The following PHF21A variants were observed in gnomAD, a reference collection of about 807,000 sequenced individuals.
The protein encoded by PHF21A is BHC80a.
A neutral mutation model predicts 82.5 loss-of-function variants in PHF21A; 11 were observed. That is an observed-to-expected ratio of 0.13 (90% confidence interval 0.08 to 0.22). The LOEUF is 0.22. Ranked by LOEUF, PHF21A falls within the 10% of genes least tolerant of loss-of-function variation. PHF21A has a pLI of 1.00. For synonymous variants in PHF21A, 297 were observed against 302.8 expected, an observed-to-expected ratio of 0.98 and a Z score of 0.20; for missense variants, 579 against 837.8, an observed-to-expected ratio of 0.69 and a Z score of 3.81.
chr11:46,064,595 A>G (rs901230786), intron 6 of PHF21A, among the ~76,000 whole-genome samples: 1 of 152,130 alleles, frequency 6.6e-6, no homozygotes, highest in Non-Finnish European at 1.5e-5. Flanking sequence ...TACTAGTTAA[A>G]GAGTAAACTT....
intron 6 of PHF21A, among the ~76,000 whole-genome samples, chr11:46,075,238 G>A (rs1268924072): frequency 2.0e-5 from 3 of 152,126 alleles, no homozygotes; most frequent in Non-Finnish European, 1.5e-5. Flanking sequence ...CAAAAATTTC[G>A]AGTAGATGTA....
At chr11:45,995,407 C>A (rs1455614532) in intron 6 of PHF21A, among the ~76,000 whole-genome samples, 1 of 152,184 alleles carries the variant, frequency 6.6e-6, no homozygotes, top group Non-Finnish European at 1.5e-5. Context: ...AGGAATCATT[C>A]TTACACAGGG....
At chr11:45,943,788 G>A (rs983898953) in intron 15 of PHF21A, among the ~76,000 whole-genome samples, 7 of 152,178 alleles carry the variant, frequency 4.6e-5, no homozygotes, top group Admixed American at 2.0e-4. Context: ...GGAGATGAAA[G>A]TTAACATCAC....
At chr11:46,055,139 T>C (rs1166611260) in intron 6 of PHF21A, among the ~76,000 whole-genome samples, 2 of 152,186 alleles carry the variant, frequency 1.3e-5, no homozygotes, top group Non-Finnish European at 2.9e-5. Context: ...GAACTTAAGA[T>C]ACTTTGAAGC....
At chr11:45,972,910 T>C (rs2093842808) in intron 7 of PHF21A, among the ~76,000 whole-genome samples, 1 of 149,320 alleles carries the variant, frequency 6.7e-6, no homozygotes, top group South Asian at 2.1e-4. Context: ...AGTCTCCGTC[T>C]CAAAAACAAA....
At chr11:46,100,832 T>A (rs1349613743) in intron 1 of PHF21A, among the ~76,000 whole-genome samples, 1 of 152,222 alleles carries the variant, frequency 6.6e-6, no homozygotes, top group African/African-American at 2.4e-5. Flanking sequence ...CAACTTACAG[T>A]GCAAAGAAGA....
intron 1 of PHF21A, among the ~76,000 whole-genome samples, chr11:46,099,376 T>C (rs1225410472): frequency 2.0e-5 from 3 of 152,256 alleles, no homozygotes; most frequent in East Asian, 3.9e-4. Context: ...TGGACAGTGA[T>C]CACAAGCTGC....
At chr11:45,957,000 G>A (rs1361078105) in intron 10 of PHF21A, among the ~76,000 whole-genome samples, 1 of 152,144 alleles carries the variant, frequency 6.6e-6, no homozygotes, top group Non-Finnish European at 1.5e-5. Flanking sequence ...TTAGACAAAA[G>A]TGACTTAAAG....
intron 15 of PHF21A, among the ~76,000 whole-genome samples, chr11:45,945,216 G>A (rs1191852845): frequency 1.3e-5 from 2 of 152,172 alleles, no homozygotes; most frequent in East Asian, 1.9e-4. Flanking sequence ...GCAGAGTAGC[G>A]CTCAGTGAGT....
At chr11:45,946,772 T>C (rs1196211232) in intron 14 of PHF21A, among the ~76,000 whole-genome samples, 1 of 152,222 alleles carries the variant, frequency 6.6e-6, no homozygotes. Flanking sequence ...TCCCACAAAC[T>C]GATTTATTTA....
At chr11:45,982,904 T>C (rs2094355583) in intron 6 of PHF21A, among the ~76,000 whole-genome samples, 1 of 152,184 alleles carries the variant, frequency 6.6e-6, no homozygotes, top group African/African-American at 2.4e-5. Context: ...AGGAAACTAA[T>C]TACTATACCA....
chr11:45,939,773 A>C (rs968001792), intron 15 of PHF21A, among the ~76,000 whole-genome samples: 3 of 64,840 alleles, frequency 4.6e-5, no homozygotes, highest in Admixed American at 1.5e-4. Context: ...ACATAGCCCA[A>C]AAAAAAAAAA....
At chr11:46,003,594 CT>C (rs1409009328) in intron 6 of PHF21A, among the ~76,000 whole-genome samples, 1 of 152,000 alleles carries the variant, frequency 6.6e-6, no homozygotes, top group African/African-American at 2.4e-5. Context: ...TGAGAAAACG[CT>C]ACAATTCTCA....
intron 10 of PHF21A, among the ~76,000 whole-genome samples, chr11:45,954,469 C>T (rs911598853): frequency 6.6e-6 from 1 of 152,004 alleles, no homozygotes; most frequent in African/African-American, 2.4e-5. Context: ...CTATATAATC[C>T]ATCAGAGGAG....
At chr11:46,099,521 T>TAAACACAC (rs1232225777) in intron 1 of PHF21A, among the ~76,000 whole-genome samples, 1 of 46,546 alleles carries the variant, frequency 2.1e-5, no homozygotes, top group Non-Finnish European at 5.1e-5. Context: ...ATAGAAAAAT[T>TAAACACAC]AGACACACAC....
At chr11:46,065,239 A>G (rs2096580570) in intron 6 of PHF21A, among the ~76,000 whole-genome samples, 1 of 152,238 alleles carries the variant, frequency 6.6e-6, no homozygotes, top group African/African-American at 2.4e-5. Context: ...GGAACTAGGC[A>G]TTGGCATATG....
intron 6 of PHF21A, among the ~76,000 whole-genome samples, chr11:46,059,426 T>A (rs146615242): frequency 7.9e-5 from 12 of 152,258 alleles, no homozygotes; most frequent in South Asian, 4.1e-4. Context: ...TCTCAATTTT[T>A]TTTATTTATT....
At chr11:46,016,578 G>T (rs2095521870) in intron 6 of PHF21A, among the ~76,000 whole-genome samples, 1 of 151,866 alleles carries the variant, frequency 6.6e-6, no homozygotes, top group Non-Finnish European at 1.5e-5. Flanking sequence ...CCCTACTCAG[G>T]ATTAATATCT....
At chr11:46,085,069 G>A (rs2096840785) in intron 3 of PHF21A, among the ~76,000 whole-genome samples, 1 of 152,018 alleles carries the variant, frequency 6.6e-6, no homozygotes, top group South Asian at 2.1e-4. Context: ...GTTTTATTTG[G>A]ATGGGTTCTT....
Sources: allele counts gnomAD v4.1 joint callset (sites outside exome capture counted in the v4.1 genomes callset), GRCh38; gene constraint gnomAD v4.1.1; transcripts MANE v1.5; gene names NCBI Gene and HGNC (gene_info 2026-07-23, HGNC 2026-07-21).